Variants in SHTN1 observed in about 807,000 individuals in gnomAD.
SHTN1 encodes shootin-1.
In SHTN1, 42 loss-of-function variants were observed where a neutral mutation model predicts 83.1. That is an observed-to-expected ratio of 0.51 (90% CI 0.39 to 0.65). The LOEUF (loss-of-function observed/expected upper bound fraction) is 0.65, where lower values mean the gene tolerates loss of function less well. SHTN1 is among the 30% of genes least tolerant of loss of function. The pLI, the probability that SHTN1 is intolerant of heterozygous loss-of-function variation, is 0.00. For missense variants in SHTN1, 622 were observed against 737.8 expected (o/e 0.84, Z 1.82); for synonymous variants, 224 against 247.7 (o/e 0.90, Z 0.90).
At chr10:117,040,541 A>G (rs1039213679) in intron 2 of SHTN1, among the ~76,000 whole-genome samples, 1 of 152,238 alleles carries the variant, frequency 6.6e-6, no homozygotes, top group African/African-American at 2.4e-5. Flanking sequence ...TCCAGTAATT[A>G]TACCAAATGT....
intron 1 of SHTN1, 42 bp downstream of exon 1, chr10:117,004,980 C>T (rs1412813206): frequency 6.4e-7 from 1 of 1,554,362 alleles, no homozygotes; most frequent in South Asian, 1.2e-5. Flanking sequence ...TCCCCGCCCA[C>T]GGGCCGCGGC....
intron 11 of SHTN1, among the ~76,000 whole-genome samples, chr10:116,927,013 CTA>C (rs1001976120): frequency 6.6e-6 from 1 of 152,134 alleles, no homozygotes; most frequent in African/African-American, 2.4e-5. Context: ...TAAACATAAT[CTA>C]TCTTTCTTAT....
At chr10:116,999,440 A>G (rs1212292177) in intron 1 of SHTN1, among the ~76,000 whole-genome samples, 2 of 152,208 alleles carry the variant, frequency 1.3e-5, no homozygotes, top group Non-Finnish European at 2.9e-5. Flanking sequence ...GATCTTGGAT[A>G]TTACAATGGC....
At chr10:117,005,780 T>G (rs1162817918), upstream of SHTN1, among the ~76,000 whole-genome samples, 2 of 152,150 alleles carry the variant, frequency 1.3e-5, no homozygotes, top group Admixed American at 6.5e-5. Context: ...CTTTCCCCCA[T>G]CGCACCAGGT....
chr10:117,051,522 C>T (rs1391813312), intron 1 of SHTN1, among the ~76,000 whole-genome samples: 5 of 152,002 alleles, frequency 3.3e-5, no homozygotes, highest in Non-Finnish European at 7.4e-5. Flanking sequence ...CGACAAAATA[C>T]TAGTATACCA....
At chr10:117,121,130 A>G (rs1049330420) in intron 1 of SHTN1, among the ~76,000 whole-genome samples, 2 of 152,174 alleles carry the variant, frequency 1.3e-5, no homozygotes, top group African/African-American at 4.8e-5. Flanking sequence ...TAAATGTATT[A>G]AATTATCACA....
chr10:116,937,154 C>T (rs1849202137), intron 9 of SHTN1, among the ~76,000 whole-genome samples: 1 of 152,080 alleles, frequency 6.6e-6, no homozygotes, highest in South Asian at 2.1e-4. Flanking sequence ...GGCATTTATC[C>T]CATTTACATT....
intron 4 of SHTN1, among the ~76,000 whole-genome samples, chr10:116,959,300 T>C (rs534860929): frequency 6.6e-6 from 1 of 152,374 alleles, no homozygotes; most frequent in East Asian, 1.9e-4. Flanking sequence ...TGAATTCTAA[T>C]GTAGTGTTGT....
intron 6 of SHTN1, 68 bp from the exon 7 acceptor site, chr10:116,949,065 G>A (rs1849684969): frequency 7.2e-7 from 1 of 1,387,162 alleles, no homozygotes; most frequent in East Asian, 2.7e-5. Flanking sequence ...GGCAATGTGT[G>A]ATACTCAATT....
rs1252545099 is a variant in SHTN1, at chr10:117,065,846, A to G, written c.-188-17336T>C. Reference sequence around the variant, plus strand: ...GAAGGAAGGAAGGAAGGAAGGAAGGAAGGAAGGAAAGGAGGGAGGGAGGGA... The same window carrying G: ...GAAGGAAGGAAGGAAGGAAGGAAGGGAGGAAGGAAAGGAGGGAGGGAGGGA... On this transcript the variant is annotated intron_variant, in intron 1 of 17. Coordinates refer to the SHTN1 transcript ENST00000392901. Among the ~76,000 whole-genome samples the G allele has an allele frequency of 2.2e-3, 94 of 43,284 alleles. 1 individual carries two copies. The highest frequency in any genetic ancestry group is 4.8e-3 in the African/African-American group (66 of 13,714). 28.4% of individuals were successfully genotyped at this position (43,284 alleles called of 152,430 possible).
chr10:116,987,713 G>A (rs185296812), intron 1 of SHTN1, among the ~76,000 whole-genome samples: 18 of 152,130 alleles, frequency 1.2e-4, no homozygotes, highest in African/African-American at 4.3e-4. Context: ...TCAGGAGATC[G>A]AGACCATCAT....
intron 1 of SHTN1, among the ~76,000 whole-genome samples, chr10:117,089,121 C>G (rs3858326): frequency 0.68 from 103,565 of 151,950 alleles, 37,763 homozygotes; most frequent in Middle Eastern, 0.84. Context: ...CAACACAAAA[C>G]TATAGTGAGA....
At chr10:116,963,709 G>A (rs945084621) in intron 3 of SHTN1, among the ~76,000 whole-genome samples, 2 of 152,324 alleles carry the variant, frequency 1.3e-5, no homozygotes, top group Admixed American at 6.5e-5. Context: ...TTGGAAGACT[G>A]GCTGTGAGTT....
chr10:116,948,575 T>C (rs17095461), intron 7 of SHTN1, among the ~76,000 whole-genome samples: 9,160 of 152,196 alleles, frequency 0.06, 893 homozygotes, highest in African/African-American at 0.2. Flanking sequence ...CTCTTCTGGA[T>C]TGAGATTTAC....
chr10:117,077,014 TTACA>T (rs1853167536), intron 1 of SHTN1, among the ~76,000 whole-genome samples: 1 of 152,176 alleles, frequency 6.6e-6, no homozygotes, highest in Non-Finnish European at 1.5e-5. Context: ...ACTGGTATAT[TTACA>T]TCTCAGTACC....
intron 10 of SHTN1, among the ~76,000 whole-genome samples, chr10:116,929,002 A>G (rs1439549002): frequency 6.6e-6 from 1 of 152,232 alleles, no homozygotes; most frequent in Non-Finnish European, 1.5e-5. Flanking sequence ...TTCACTAAAA[A>G]GAATGAAATA....
intron 2 of SHTN1, among the ~76,000 whole-genome samples, chr10:117,036,653 GA>G (rs1450985461): frequency 3.9e-5 from 6 of 152,130 alleles, no homozygotes; most frequent in African/African-American, 1.4e-4. Flanking sequence ...TGGGTGGGGG[GA>G]AATAAGGATA....
Position 116,908,952 on chromosome 10 carries a change from GA to G in SHTN1, c.1360-2206del. Among the ~76,000 whole-genome samples, 3 of 152,250 alleles carry G rather than the reference GA, an allele frequency of 2.0e-5. No individual in the cohort carries two copies. The South Asian group carries it at 6.2e-4, about 32-fold the overall frequency. ...AACTTTCAATACAAGGGCAATTGTG[GA>G]GGAAAGAAAGGTTTCTGCATGACTC... is the stretch of plus-strand genomic sequence containing the variant. On this transcript the variant is annotated intron_variant, in intron 14 of 16. Coordinates refer to ENST00000355371, the MANE Select transcript of SHTN1 (RefSeq NM_001127211.3).
At chr10:117,018,568 ATTT>A (rs36032476) in intron 2 of SHTN1, among the ~76,000 whole-genome samples, 2 of 31,360 alleles carry the variant, frequency 6.4e-5, no homozygotes, top group Non-Finnish European at 1.4e-4. Context: ...TGCTCTCACC[ATTT>A]TTTTTTTTTT....
Sources: gnomAD v4.1 joint callset for allele counts (sites outside exome capture counted in the v4.1 genomes callset) on GRCh38, gnomAD v4.1.1 for gene constraint, MANE v1.5 for transcripts, NCBI Gene and HGNC (gene_info 2026-07-23, HGNC 2026-07-21) for gene names.